Variants in BRD3 observed in about 807,000 individuals in gnomAD.
BRD3 encodes the protein bromodomain-containing protein 3.
Under a neutral mutation model 66.8 loss-of-function variants are expected in BRD3, and 17 were observed. The ratio of observed to expected loss-of-function variants is 0.25; its 90% CI spans 0.17 to 0.38. The LOEUF is 0.38. Among genes scored for constraint, BRD3 ranks in the 10% least tolerant of loss-of-function variants. The probability of loss-of-function intolerance (pLI) is 1.00; values close to 1 mark genes in which losing one functional copy is unlikely to be tolerated. For missense variants in BRD3, 713 were observed against 956.1 expected (o/e 0.75, Z 3.35); for synonymous variants, 421 against 393.2 (o/e 1.07, Z -0.84).
In BRD3 at chr9:134,050,505, C is replaced by T. The variant is rs201392141; in HGVS notation, c.583G>A (p.Val195Ile). The change falls in exon 5 of 12, where the codon GTC (valine) becomes ATC (isoleucine). Residue 195 changes from valine (V) to isoleucine (I), a missense_variant. Val to Ile is a conservative substitution (Grantham distance 29). Coordinates refer to ENST00000303407, the MANE Select transcript of BRD3 (RefSeq NM_007371.4). ...GTTGGTACAGGGGTGGCAGCGATGA[C>T]GGGCGTCTGGGAGACGGTGGGGGGC... ...SVPPTVSQTP[V>I]IAATPVPTIT... 33 of 1,606,466 alleles carry T rather than the reference C, an allele frequency of 2.1e-5. No homozygotes were observed. The highest frequency in any genetic ancestry group is 3.4e-5 in the Admixed American group (2 of 59,500).
At chr9:134,040,011 G>C in intron 9 of BRD3, 23 bp downstream of exon 9, 1 of 1,571,574 alleles carries the variant, frequency 6.4e-7, no homozygotes, top group Non-Finnish European at 8.6e-7. Flanking sequence ...GGCTCTTGGA[G>C]CCCGAGCAGG....
chr9:134,042,037 CCT>C (rs1362749073), intron 7 of BRD3, 86 bp from the exon 8 acceptor site: 30 of 1,376,996 alleles, frequency 2.2e-5, no homozygotes, highest in South Asian at 4.5e-5. Context: ...CTGAGGTGCC[CCT>C]GAGGCAGCAC....
Position 134,048,365 on chromosome 9 carries a change from T to C in BRD3, c.804A>G (p.Ser268=), listed in dbSNP as rs746505690. The part of the protein sequence containing the change: ...ASRSESPPPL[S]DPKQAKVVAR... ...CCACCACTTTGGCCTGCTTGGGGTC[T>C]GACAACGGCGGGGGCGACTCACTCC... Residue 268 remains serine (S), a synonymous_variant, in exon 6 of 12, where the codon TCA becomes TCG. Coordinates refer to ENST00000303407, the MANE Select transcript of BRD3 (RefSeq NM_007371.4). The C allele has an allele frequency of 6.3e-7, 1 of 1,599,096 alleles. No individual in the cohort carries two copies. Among genetic ancestry groups the C allele is most frequent in the Non-Finnish European group, 8.5e-7 (1 of 1,179,892 alleles).
At chr9:134,034,857 C>T (rs374242241) in intron 10 of BRD3, 28 bp from the exon 11 acceptor site, 12 of 1,609,516 alleles carry the variant, frequency 7.5e-6, no homozygotes, top group South Asian at 1.1e-5. Flanking sequence ...GGCACTCAGA[C>T]TGCAGAGCAG....
At chr9:134,041,644 C>T (rs889011300) in intron 8 of BRD3, 116 bp downstream of exon 8, 24 of 1,323,912 alleles carry the variant, frequency 1.8e-5, no homozygotes, top group East Asian at 2.6e-5. Flanking sequence ...AGCACTACCG[C>T]GGCTGCTGAG....
chr9:134,041,646 G>A (rs1456695998), intron 8 of BRD3, 114 bp downstream of exon 8: 1 of 1,332,588 alleles, frequency 7.5e-7, no homozygotes, highest in Admixed American at 2.3e-5. Flanking sequence ...CACTACCGCG[G>A]CTGCTGAGGG....
chr9:134,037,252 AG>A (rs112679550), intron 9 of BRD3, among the ~76,000 whole-genome samples: 1 of 152,198 alleles, frequency 6.6e-6, no homozygotes, highest in African/African-American at 2.4e-5. Context: ...AGTAAACTTC[AG>A]AAAAAGGAGT....
In BRD3 at chr9:134,033,763, G is replaced by A. The variant is rs1444250656; in HGVS notation, c.2066-58C>T. ...ACACCCGCTTCTTGACCCGCTTGGCGGCATGTCGTCCATGCCAGCGTGACA... is the reference window on the plus strand; with the variant it reads ...ACACCCGCTTCTTGACCCGCTTGGCAGCATGTCGTCCATGCCAGCGTGACA... On this transcript the variant is annotated intron_variant, in intron 11 of 11. Transcript: ENST00000303407. This position sits in a 1 kb window ranked among gnomAD's most constrained non-coding sequence, Gnocchi z 5.1. 1.3e-5 allele frequency: 9 copies of A among 676,548 alleles called. No homozygotes were observed. Among genetic ancestry groups the A allele is most frequent in the Middle Eastern group, 3.7e-4 (1 of 2,668 alleles). 41.9% of individuals were successfully genotyped at this position (676,548 alleles called of 1,614,324 possible).
chr9:134,066,095 G>A (rs1207251267), intron 1 of BRD3, among the ~76,000 whole-genome samples: 3 of 152,180 alleles, frequency 2.0e-5, no homozygotes. Context: ...TGGAGTGACT[G>A]CCCACTCGGA....
At chr9:134,062,311 G>C (rs999478794) in intron 1 of BRD3, among the ~76,000 whole-genome samples, 8 of 152,188 alleles carry the variant, frequency 5.3e-5, no homozygotes, top group Non-Finnish European at 1.2e-4. Context: ...GTCCCGGGGC[G>C]CTTCAGCAGA....
At chr9:134,052,154 A>G (rs1830319610) in intron 3 of BRD3, 152 bp downstream of exon 3, 1 of 964,958 alleles carries the variant, frequency 1.0e-6, no homozygotes, top group Non-Finnish European at 1.5e-6. Flanking sequence ...CGGCCTCCCA[A>G]AGTGCTGGGA....
At chr9:134,050,655 C>T (rs774531700) in intron 4 of BRD3, 67 bp from the exon 5 acceptor site, 24 of 1,344,740 alleles carry the variant, frequency 1.8e-5, no homozygotes, top group South Asian at 9.9e-5. Flanking sequence ...CTTCCAGTGC[C>T]ACCCCTCCAG....
intron 1 of BRD3, among the ~76,000 whole-genome samples, chr9:134,061,288 G>A (rs1830539633): frequency 6.6e-6 from 1 of 152,224 alleles, no homozygotes; most frequent in African/African-American, 2.4e-5. Context: ...AGCCTGGCCT[G>A]GGCCCAGAGC....
chr9:134,062,609 C>G (rs1338148554), intron 1 of BRD3, among the ~76,000 whole-genome samples: 1 of 152,172 alleles, frequency 6.6e-6, no homozygotes, highest in Non-Finnish European at 1.5e-5. Flanking sequence ...AAGCTCCGTC[C>G]CTACCCGCCT....
At chr9:134,067,231 G>T (rs149929690) in intron 1 of BRD3, among the ~76,000 whole-genome samples, 1 of 152,118 alleles carries the variant, frequency 6.6e-6, no homozygotes, top group East Asian at 1.9e-4. Context: ...TTCAAAACGG[G>T]AACTGGGTCT....
At chr9:134,043,823 T>C (rs1412360846) in intron 7 of BRD3, among the ~76,000 whole-genome samples, 1 of 152,214 alleles carries the variant, frequency 6.6e-6, no homozygotes, top group African/African-American at 2.4e-5. Flanking sequence ...CCTGAATAGC[T>C]GGTACTACAG....
In BRD3 at chr9:134,053,369, T is replaced by C; in HGVS notation, c.109A>G (p.Asn37Asp). 1 of 1,536,418 alleles carries C rather than the reference T, an allele frequency of 6.5e-7. No individual in the cohort carries two copies. Among genetic ancestry groups the C allele is most frequent in the Non-Finnish European group, 8.8e-7 (1 of 1,136,394 alleles). ...ACATTCTGCATGTACTGCAGCTGGTTGGTCTTGCGGCCGGGCTTGCTGGGG... is the reference window on the plus strand; with the variant it reads ...ACATTCTGCATGTACTGCAGCTGGTCGGTCTTGCGGCCGGGCTTGCTGGGG... Reference protein sequence around the residue: ...SNPSKPGRKTNQLQYMQNVVV... With the variant: ...SNPSKPGRKTDQLQYMQNVVV... The change falls in exon 2 of 12, where the codon AAC becomes GAC. Residue 37 changes from asparagine (N) to aspartate (D), a missense_variant. Transcript: ENST00000303407.
rs72766607 is a variant in BRD3 at position 134,030,696 on chromosome 9, T to G, written c.*2894A>C. On this transcript the variant is annotated 3_prime_UTR_variant, in exon 12 of 12. Coordinates refer to ENST00000303407, the MANE Select transcript of BRD3 (RefSeq NM_007371.4). Reference sequence around the variant, plus strand: ...CTTTCCCAAAAGACTGTCAGAGGCGTGAGTGCTGCAAAAGAACAACAACAA... The same window carrying G: ...CTTTCCCAAAAGACTGTCAGAGGCGGGAGTGCTGCAAAAGAACAACAACAA... 0.015 allele frequency: 3,496 copies of G among 230,400 alleles called. 53 individuals are homozygous for G. Among genetic ancestry groups the G allele is most frequent in the Non-Finnish European group, 0.021 (2,489 of 116,288 alleles). 14.3% of individuals were successfully genotyped at this position (230,400 alleles called of 1,614,324 possible).
Position 134,033,369 on chromosome 9 carries a change from A to G in BRD3, c.*221T>C. ...TCCAAGTGACTGAATTCAGTGATGA[A>G]GAAGAGACTTTCTGCAGAGTTCACA... On this transcript the variant is annotated 3_prime_UTR_variant, in exon 12 of 12. Transcript: ENST00000303407. The surrounding 1 kb of genome is among the most constrained non-coding windows in gnomAD (Gnocchi z 5.1). 2.2e-6 allele frequency: 1 copy of G among 459,810 alleles called. No individual in the cohort carries two copies. Among genetic ancestry groups the G allele is most frequent in the East Asian group, 3.4e-5 (1 of 29,600 alleles). 28.5% of individuals were successfully genotyped at this position (459,810 alleles called of 1,614,324 possible).
Sources: allele counts gnomAD v4.1 joint callset (sites outside exome capture counted in the v4.1 genomes callset), GRCh38; gene constraint gnomAD v4.1.1; non-coding constraint Gnocchi (gnomAD v3.1); transcripts MANE v1.5; gene names NCBI Gene and HGNC (gene_info 2026-07-23, HGNC 2026-07-21).